MTSS1: variants seen among roughly 807,000 people sequenced by gnomAD.
The protein encoded by MTSS1 is MTSS I-BAR domain containing 1, also known as protein MTSS 1.
MTSS1 carries 18 observed loss-of-function variants against 79.0 expected under a neutral mutation model. The observed-to-expected ratio is 0.23, with a 90% CI of 0.16 to 0.34. The LOEUF is 0.34. Ranked by LOEUF, MTSS1 falls within the 10% of genes least tolerant of loss-of-function variation. The pLI, the probability that MTSS1 is intolerant of heterozygous loss-of-function variation, is 1.00. For missense variants in MTSS1, 815 were observed against 986.2 expected, an observed-to-expected ratio of 0.83 and a Z score of 2.33; for synonymous variants, 341 against 368.6, an observed-to-expected ratio of 0.93 and a Z score of 0.86.
intron 3 of MTSS1, among the ~76,000 whole-genome samples, chr8:124,696,861 AAAAG>A (rs1382167446): frequency 6.6e-6 from 1 of 152,076 alleles, no homozygotes; most frequent in Non-Finnish European, 1.5e-5. Context: ...CAAAAAAAAA[AAAAG>A]AAAAAAAAAT....
At chr8:124,567,930 T>TG in intron 7 of MTSS1, 5 of 1,401,556 alleles carry the variant, frequency 3.6e-6, no homozygotes, top group Non-Finnish European at 4.6e-6. Context: ...TTGAGGCTCT[T>TG]GGATATTCAT....
At chr8:124,713,323 A>G (rs1206755973) in intron 1 of MTSS1, among the ~76,000 whole-genome samples, 1 of 152,170 alleles carries the variant, frequency 6.6e-6, no homozygotes, top group Non-Finnish European at 1.5e-5. Flanking sequence ...TTTTGGTTCT[A>G]TTTTTTAACC....
chr8:124,722,942 C>G (rs934213582), intron 1 of MTSS1, among the ~76,000 whole-genome samples: 1 of 152,134 alleles, frequency 6.6e-6, no homozygotes, highest in Non-Finnish European at 1.5e-5. Context: ...CACCCATGCC[C>G]GTGAAGATGG....
chr8:124,607,777 C>T (rs1485420073), intron 3 of MTSS1, among the ~76,000 whole-genome samples: 1 of 152,162 alleles, frequency 6.6e-6, no homozygotes, highest in Non-Finnish European at 1.5e-5. Context: ...ACTGCTCAGG[C>T]TAACTTAAGC....
chr8:124,598,720 A>G (rs928809486), intron 3 of MTSS1, among the ~76,000 whole-genome samples: 1 of 152,224 alleles, frequency 6.6e-6, no homozygotes, highest in Non-Finnish European at 1.5e-5. Context: ...GACATTCCCC[A>G]CAAAGCCAGC....
intron 3 of MTSS1, among the ~76,000 whole-genome samples, chr8:124,671,166 G>A (rs1172219668): frequency 1.3e-5 from 2 of 151,714 alleles, no homozygotes; most frequent in Non-Finnish European, 2.9e-5. Context: ...GACAGGCTAG[G>A]CTCCCTCAAA....
At chr8:124,723,832 G>T (rs1241492885) in intron 1 of MTSS1, among the ~76,000 whole-genome samples, 1 of 152,180 alleles carries the variant, frequency 6.6e-6, no homozygotes, top group East Asian at 1.9e-4. Context: ...CCGTTTATAG[G>T]GAGCAGCCCA....
At chr8:124,649,879 C>T (rs1819639751) in intron 3 of MTSS1, among the ~76,000 whole-genome samples, 2 of 151,974 alleles carry the variant, frequency 1.3e-5, no homozygotes, top group Admixed American at 1.3e-4. Flanking sequence ...CTTACGGCAG[C>T]CTCCTAGATA....
chr8:124,662,344 C>T (rs189376611), intron 3 of MTSS1, among the ~76,000 whole-genome samples: 371 of 152,220 alleles, frequency 2.4e-3, no homozygotes, highest in Non-Finnish European at 3.8e-3. Context: ...AACAGTGATA[C>T]GAATGTATTC....
intron 3 of MTSS1, chr8:124,699,170 A>G (rs1829336154): frequency 4.4e-6 from 1 of 227,354 alleles, no homozygotes; most frequent in Non-Finnish European, 8.6e-6. Context: ...TTCCCATTCC[A>G]CAAGGAAACA....
intron 3 of MTSS1, among the ~76,000 whole-genome samples, chr8:124,599,796 C>T (rs1444796688): frequency 2.0e-5 from 3 of 152,140 alleles, no homozygotes; most frequent in Non-Finnish European, 4.4e-5. Flanking sequence ...GCACACTCCA[C>T]GCAGCCTGCA....
chr8:124,568,340 C>T (rs1206580186), intron 7 of MTSS1, 39 bp downstream of exon 7: 2 of 1,595,192 alleles, frequency 1.3e-6, no homozygotes, highest in East Asian at 2.2e-5. Flanking sequence ...CACCTCTACA[C>T]CAGCAGTTTA....
chr8:124,572,616 C>CT (rs762766665), intron 6 of MTSS1, among the ~76,000 whole-genome samples: 5 of 152,186 alleles, frequency 3.3e-5, no homozygotes, highest in African/African-American at 4.8e-5. Flanking sequence ...TCTGCTACCT[C>CT]TACCCTCACT....
Position 124,721,411 on chromosome 8 carries a change from ATTTT to A in MTSS1, c.72+6469_72+6472del, listed in dbSNP as rs71289689. 2.2e-4 allele frequency among the ~76,000 whole-genome samples: 28 copies of A among 127,222 alleles called. 1 individual carries two copies. The East Asian group carries it at 5.4e-3, about 24-fold the overall frequency. The allele number at this position is 127,222 out of a possible 152,430, so 83.5% of individuals were successfully genotyped here. A position where few individuals can be genotyped will look rare whatever the true frequency, so the allele number is the denominator to read the frequency against. ...TTATTTACTTTAACATTTAACTCTA[ATTTT>A]TTTTTTTTTTTTTGAGACAGAGTCT... On this transcript the variant is annotated intron_variant, in intron 1 of 13. Transcript: ENST00000518547.
intron 3 of MTSS1, among the ~76,000 whole-genome samples, chr8:124,594,683 CA>C (rs1192397449): frequency 6.6e-6 from 1 of 152,184 alleles, no homozygotes; most frequent in Admixed American, 6.5e-5. Flanking sequence ...AGAAAACTTC[CA>C]AACAGCAGTG....
chr8:124,646,072 A>G (rs1744889095), intron 3 of MTSS1, among the ~76,000 whole-genome samples: 1 of 152,008 alleles, frequency 6.6e-6, no homozygotes, highest in African/African-American at 2.4e-5. Flanking sequence ...GTTTTAAAAA[A>G]TTGTATTCAA....
chr8:124,613,152 C>A (rs550860983), intron 3 of MTSS1, among the ~76,000 whole-genome samples: 13 of 152,142 alleles, frequency 8.5e-5, no homozygotes, highest in African/African-American at 2.7e-4. Context: ...GGCAACCCAC[C>A]GAACAGGAGT....
intron 3 of MTSS1, among the ~76,000 whole-genome samples, chr8:124,633,481 T>C (rs1278558410): frequency 6.6e-6 from 1 of 152,122 alleles, no homozygotes; most frequent in Non-Finnish European, 1.5e-5. Flanking sequence ...GGTGAAAACC[T>C]ATCATAGGCC....
chr8:124,670,431 TGGC>T (rs1243156345), intron 3 of MTSS1, among the ~76,000 whole-genome samples: 1 of 151,458 alleles, frequency 6.6e-6, no homozygotes, highest in Admixed American at 6.6e-5. Context: ...CCACACAGCC[TGGC>T]GGCACCCCAC....
Sources: allele counts gnomAD v4.1 joint callset (sites outside exome capture counted in the v4.1 genomes callset), GRCh38; gene constraint gnomAD v4.1.1; transcripts MANE v1.5; gene names NCBI Gene and HGNC (gene_info 2026-07-23, HGNC 2026-07-21).